The following VAV2 variants were observed in gnomAD, a reference collection of about 807,000 sequenced individuals.
VAV2 encodes guanine nucleotide exchange factor VAV2.
VAV2 carries 67 observed loss-of-function variants against 132.5 expected under a neutral mutation model. The observed-to-expected ratio is 0.51, with a 90% CI of 0.42 to 0.62. The LOEUF (loss-of-function observed/expected upper bound fraction) is 0.62, where lower values mean the gene tolerates loss of function less well. VAV2 is among the 20% of genes least tolerant of loss of function. The probability of loss-of-function intolerance (pLI) is 0.00; values close to 1 mark genes in which losing one functional copy is unlikely to be tolerated. For synonymous variants in VAV2, 492 were observed against 443.5 expected (o/e 1.11, Z -1.37); for missense variants, 938 against 1,153.6 (o/e 0.81, Z 2.71).
intron 2 of VAV2, among the ~76,000 whole-genome samples, chr9:133,913,965 C>A (rs545610731): frequency 6.6e-6 from 1 of 152,202 alleles, no homozygotes; most frequent in Non-Finnish European, 1.5e-5. Flanking sequence ...TGGAGCTCTT[C>A]GAAGGGGTTT....
At chr9:133,822,275 C>T (rs1458506538) in intron 4 of VAV2, among the ~76,000 whole-genome samples, 1 of 152,220 alleles carries the variant, frequency 6.6e-6, no homozygotes, top group Non-Finnish European at 1.5e-5. Context: ...TGGCCCCGGG[C>T]TGTCTGATGC....
At chr9:133,905,760 C>T (rs1839627452) in intron 2 of VAV2, among the ~76,000 whole-genome samples, 1 of 151,828 alleles carries the variant, frequency 6.6e-6, no homozygotes, top group Non-Finnish European at 1.5e-5. Context: ...TATAGCTGGG[C>T]GAGGTGACTC....
At chr9:133,878,321 C>T (rs888097950) in intron 2 of VAV2, among the ~76,000 whole-genome samples, 1 of 152,180 alleles carries the variant, frequency 6.6e-6, no homozygotes, top group Non-Finnish European at 1.5e-5. Flanking sequence ...GAGCCAACTG[C>T]GACCCAAGCA....
At position 133,794,605 on chromosome 9, in the gene VAV2, G is replaced by T. The variant is rs963201470; in HGVS notation, c.1101+1063C>A. On this transcript the variant is annotated intron_variant, in intron 12 of 29. Transcript: ENST00000371850. The surrounding 1 kb of genome is among the most constrained non-coding windows in gnomAD (Gnocchi z 4.6). Reference sequence around the variant, plus strand: ...AAAGGAAAAGGGGGCCCAAAGCCCAGGGGGGCTGCCCAGAGGGCAGGGGCC... The same window carrying T: ...AAAGGAAAAGGGGGCCCAAAGCCCATGGGGGCTGCCCAGAGGGCAGGGGCC... 3.3e-5 allele frequency among the ~76,000 whole-genome samples: 5 copies of T among 152,214 alleles called. No individual in the cohort carries two copies. Among genetic ancestry groups the T allele is most frequent in the Non-Finnish European group, 7.3e-5 (5 of 68,040 alleles).
chr9:133,778,984 C>G lies in VAV2; in HGVS notation c.1763-95G>C, dbSNP rs1833912316. On this transcript the variant is annotated intron_variant, in intron 21 of 29. Transcript: ENST00000371850. Reference sequence around the variant, plus strand: ...CAGCCCACCCCATCACCAAGCTCGGCCTCCCCCAGCACACACAGCCTTGCG... The same window carrying G: ...CAGCCCACCCCATCACCAAGCTCGGGCTCCCCCAGCACACACAGCCTTGCG... The G allele has an allele frequency of 3.3e-6, 5 of 1,526,788 alleles. No individual in the cohort carries two copies. In the East Asian group the frequency reaches 9.1e-5, roughly 28 times the overall value. The allele number at this position is 1,526,788 out of a possible 1,614,324, so 94.6% of individuals were successfully genotyped here. A position where few individuals can be genotyped will look rare whatever the true frequency, so the allele number is the denominator to read the frequency against.
At chr9:133,970,007 C>T (rs1259323470) in intron 1 of VAV2, among the ~76,000 whole-genome samples, 4 of 152,140 alleles carry the variant, frequency 2.6e-5, no homozygotes, top group African/African-American at 7.2e-5. Flanking sequence ...CCTGCCACCC[C>T]CCAGACGTGC....
intron 2 of VAV2, among the ~76,000 whole-genome samples, chr9:133,925,227 C>T (rs974477193): frequency 6.6e-6 from 1 of 152,120 alleles, no homozygotes; most frequent in African/African-American, 2.4e-5. Context: ...TTTTTCTTCC[C>T]CCCACCGGAG....
At chr9:133,901,318 C>T (rs896835124) in intron 2 of VAV2, among the ~76,000 whole-genome samples, 2 of 152,224 alleles carry the variant, frequency 1.3e-5, no homozygotes, top group East Asian at 1.9e-4. Context: ...CGTCTCCTCC[C>T]GAGCCTCAGA....
chr9:133,901,906 G>T (rs571540670), intron 2 of VAV2, among the ~76,000 whole-genome samples: 2 of 152,190 alleles, frequency 1.3e-5, no homozygotes, highest in African/African-American at 4.8e-5. Flanking sequence ...GGACAGCTGC[G>T]CTCCAGAGGC....
rs541278343 is a variant in VAV2 at position 133,783,192 on chromosome 9, C to T, written c.1723+311G>A. Among the ~76,000 whole-genome samples, 77 of 152,218 alleles carry T rather than the reference C, an allele frequency of 5.1e-4. 2 individuals carry two copies. The South Asian group carries it at 0.014, about 28-fold the overall frequency. On this transcript the variant is annotated intron_variant, in intron 19 of 29. Coordinates refer to ENST00000371850, the MANE Select transcript of VAV2 (RefSeq NM_001134398.2). ...TGCACCTGTTGAGAATGTTCTGTGC[C>T]GTGTTTGGGGGTGGAGATTCTAGAA...
intron 1 of VAV2, among the ~76,000 whole-genome samples, chr9:133,949,689 G>T (rs1051434783): frequency 3.9e-5 from 6 of 152,172 alleles, no homozygotes; most frequent in African/African-American, 1.4e-4. Flanking sequence ...CCAAAACAGG[G>T]CCCCGGAGGC....
chr9:133,949,100 C>T (rs1441177520), intron 1 of VAV2, among the ~76,000 whole-genome samples: 1 of 152,178 alleles, frequency 6.6e-6, no homozygotes, highest in African/African-American at 2.4e-5. Context: ...TCCTCCCTTA[C>T]GCTGGGCCCT....
chr9:133,944,008 G>A (rs1347601596), intron 1 of VAV2, among the ~76,000 whole-genome samples: 2 of 152,352 alleles, frequency 1.3e-5, no homozygotes, highest in African/African-American at 4.8e-5. Flanking sequence ...CAGGGCCGGA[G>A]AGCCAAGACC....
At chr9:133,990,279 T>C (rs886919642) in intron 1 of VAV2, among the ~76,000 whole-genome samples, 1 of 151,972 alleles carries the variant, frequency 6.6e-6, no homozygotes, top group Non-Finnish European at 1.5e-5. Flanking sequence ...TAGACACCCG[T>C]CCACCCCCCA....
At chr9:133,799,545 G>A (rs1306138642) in intron 9 of VAV2, among the ~76,000 whole-genome samples, 1 of 152,184 alleles carries the variant, frequency 6.6e-6, no homozygotes, top group African/African-American at 2.4e-5. Context: ...CCCCATGGGG[G>A]GATCCCGTGT....
intron 1 of VAV2, among the ~76,000 whole-genome samples, chr9:133,980,039 G>C (rs1019930502): frequency 1.1e-4 from 17 of 152,250 alleles, no homozygotes; most frequent in Non-Finnish European, 1.8e-4. Flanking sequence ...GCGACACACA[G>C]AGTAGGGTGG....
intron 1 of VAV2, among the ~76,000 whole-genome samples, chr9:133,953,904 G>A (rs543795583): frequency 3.3e-4 from 51 of 152,274 alleles, no homozygotes; most frequent in African/African-American, 1.1e-3. Flanking sequence ...TCCTCCCTCT[G>A]CAGAAAAACC....
chr9:133,805,173 G>A (rs571702850), intron 9 of VAV2, among the ~76,000 whole-genome samples: 11 of 152,236 alleles, frequency 7.2e-5, no homozygotes, highest in Admixed American at 3.9e-4. Context: ...GGGAGAGATG[G>A]ACCCGGGCGC....
chr9:133,838,457 AGGTGGGTGGGTG>A (rs1192835167), intron 3 of VAV2, among the ~76,000 whole-genome samples: 1 of 73,900 alleles, frequency 1.4e-5, no homozygotes, highest in African/African-American at 6.6e-5. Context: ...GTGGGTAAGT[AGGTGGGTGGGTG>A]GGTGGGTGGA....
Sources: gnomAD v4.1 joint callset for allele counts (sites outside exome capture counted in the v4.1 genomes callset) on GRCh38, gnomAD v4.1.1 for gene constraint, Gnocchi (gnomAD v3.1) non-coding constraint, MANE v1.5 for transcripts, NCBI Gene and HGNC (gene_info 2026-07-23, HGNC 2026-07-21) for gene names.